SLC38A3: variants seen among roughly 807,000 people sequenced by gnomAD.
The protein encoded by SLC38A3 is solute carrier family 38 member 3, also known as sodium-coupled neutral amino acid transporter 3.
Under a neutral mutation model 59.5 loss-of-function variants are expected in SLC38A3, and 17 were observed. The observed-to-expected ratio is 0.29, with a 90% CI of 0.20 to 0.43. SLC38A3 has a LOEUF of 0.43. SLC38A3 is among the 20% of genes least tolerant of loss of function. The pLI is 1.00. For missense variants in SLC38A3, 454 were observed against 653.9 expected, an observed-to-expected ratio of 0.69 and a Z score of 3.33; for synonymous variants, 238 against 260.3, an observed-to-expected ratio of 0.91 and a Z score of 0.82.
In SLC38A3 at chr3:50,219,958, C is replaced by T; in HGVS notation, c.1384C>T (p.Pro462Ser). 1 of 1,612,720 alleles carries T rather than the reference C, an allele frequency of 6.2e-7. No homozygotes were observed. Residue 462 changes from proline (P) to serine (S), a missense_variant, in exon 15 of 16, where the codon CCT (proline) becomes TCT (serine). Physicochemically the swap from Pro to Ser is moderately conservative, Grantham distance 74. Around this residue, in one of 3 missense-constraint regions of SLC38A3, gnomAD observed 59 missense variants for 70.8 expected, o/e 0.83. Coordinates refer to ENST00000614032, the MANE Select transcript of SLC38A3 (RefSeq NM_006841.6). ...YFRIMPTEKE[P>S]ARSTPKILAL... is the part of the protein sequence containing the mutation. ...CCGAATCATGCCCACGGAGAAGGAG[C>T]CTGCAAGATCCACCCCCAAAATCCT...
Position 50,219,955 on chromosome 3 carries a change from G to C in SLC38A3, c.1381G>C (p.Glu461Gln), listed in dbSNP as rs587709682. Reference sequence around the variant, plus strand: ...CTTCCGAATCATGCCCACGGAGAAGGAGCCTGCAAGATCCACCCCCAAAAT... The same window carrying C: ...CTTCCGAATCATGCCCACGGAGAAGCAGCCTGCAAGATCCACCCCCAAAAT... ...FYFRIMPTEK[E>Q]PARSTPKILA... Residue 461 changes from glutamate to glutamine, a missense_variant, in exon 15 of 16, where the codon GAG becomes CAG. Transcript: ENST00000614032. The C allele has an allele frequency of 6.2e-6, 10 of 1,612,922 alleles. No individual in the cohort carries two copies. In the Admixed American group the frequency reaches 1.3e-4, roughly 22 times the overall value.
At chr3:50,210,324 T>C (rs949847371) in intron 1 of SLC38A3, among the ~76,000 whole-genome samples, 2 of 152,182 alleles carry the variant, frequency 1.3e-5, no homozygotes, top group East Asian at 1.9e-4. Context: ...ATAATCACGA[T>C]GGACCCTCAA....
At position 50,218,245 on chromosome 3, in the gene SLC38A3, C is replaced by A; in HGVS notation, c.936-25C>A. ...CCAATGTTACCCAGCTTGTCACCAA[C>A]ACCCACCCCCCCACTTCCCCACAGC... On this transcript the variant is annotated intron_variant, in intron 11 of 15. Transcript: ENST00000614032. The surrounding 1 kb of genome is among the most constrained non-coding windows in gnomAD (Gnocchi z 5.8). 7.0e-7 allele frequency: 1 copy of A among 1,421,978 alleles called. No homozygotes were observed. Among genetic ancestry groups the A allele is most frequent in the Non-Finnish European group, 1.0e-6 (1 of 1,003,228 alleles). 88.1% of individuals were successfully genotyped at this position (1,421,978 alleles called of 1,614,324 possible). A position where few individuals can be genotyped will look rare whatever the true frequency, so the allele number is the denominator to read the frequency against.
chr3:50,217,873 A>G lies in SLC38A3; in HGVS notation c.855+33A>G, dbSNP rs739431. 0.16 allele frequency: 259,803 copies of G among 1,613,806 alleles called. 26,208 individuals are homozygous for G. Among genetic ancestry groups the G allele is most frequent in the African/African-American group, 0.51 (38,277 of 74,950 alleles). ...CAGGTCAGGGCAAGGCGGGGGCCCA[A>G]TGAGAGTGGCAGACTGCCTTGACAC... On this transcript the variant is annotated intron_variant, in intron 10 of 15. Coordinates refer to ENST00000614032, the MANE Select transcript of SLC38A3 (RefSeq NM_006841.6). This position sits in a 1 kb window ranked among gnomAD's most constrained non-coding sequence, Gnocchi z 4.9.
At position 50,218,246 on chromosome 3, in the gene SLC38A3, A is replaced by G; in HGVS notation, c.936-24A>G. On this transcript the variant is annotated intron_variant, in intron 11 of 15. Transcript: ENST00000614032. This position sits in a 1 kb window ranked among gnomAD's most constrained non-coding sequence, Gnocchi z 5.8. ...CAATGTTACCCAGCTTGTCACCAAC[A>G]CCCACCCCCCCACTTCCCCACAGCC... The G allele has an allele frequency of 9.9e-6, 13 of 1,312,798 alleles. No homozygotes were observed. Among genetic ancestry groups the G allele is most frequent in the Non-Finnish European group, 1.3e-5 (12 of 905,152 alleles). 81.3% of individuals were successfully genotyped at this position (1,312,798 alleles called of 1,614,324 possible).
At chr3:50,208,479 T>G (rs1699676601) in intron 1 of SLC38A3, among the ~76,000 whole-genome samples, 1 of 152,084 alleles carries the variant, frequency 6.6e-6, no homozygotes, top group Non-Finnish European at 1.5e-5. Flanking sequence ...GCCAGGCTGG[T>G]CTCAAACTCC....
intron 1 of SLC38A3, among the ~76,000 whole-genome samples, chr3:50,209,110 T>TG (rs941530236): frequency 5.3e-5 from 8 of 152,186 alleles, no homozygotes; most frequent in East Asian, 1.9e-4. Context: ...CCCCTGCCCC[T>TG]GGGGGGCCAC....
chr3:50,209,112 G>A (rs918848890), intron 1 of SLC38A3, among the ~76,000 whole-genome samples: 3 of 152,202 alleles, frequency 2.0e-5, no homozygotes, highest in Non-Finnish European at 2.9e-5. Flanking sequence ...CCTGCCCCTG[G>A]GGGGCCACAG....
rs753874925 is a variant in SLC38A3, at chr3:50,214,500, C to T, written c.183+17C>T. On this transcript the variant is annotated intron_variant, in intron 3 of 15. Coordinates refer to ENST00000614032, the MANE Select transcript of SLC38A3 (RefSeq NM_006841.6). This position sits in a 1 kb window ranked among gnomAD's most constrained non-coding sequence, Gnocchi z 6.0. ...TTCACTGACGTGAGCAGGGCAGCAA[C>T]GGGTTTTAGGGGACACTGTGGGGAG... The T allele has an allele frequency of 1.0e-5, 16 of 1,556,202 alleles. No homozygotes were observed. Among genetic ancestry groups the T allele is most frequent in the Middle Eastern group, 1.7e-4 (1 of 6,000 alleles).
chr3:50,215,971 G>A lies in SLC38A3; in HGVS notation c.548+150G>A. The A allele has an allele frequency of 1.5e-6, 1 of 684,340 alleles. No individual in the cohort carries two copies. Among genetic ancestry groups the A allele is most frequent in the Non-Finnish European group, 2.5e-6 (1 of 392,914 alleles). 42.4% of individuals were successfully genotyped at this position (684,340 alleles called of 1,614,324 possible). ...ACAAGAAGCTGGTGGAGTGGGGAGA[G>A]TTGCCCGCAGAGCCAGCATTCAGTT... On this transcript the variant is annotated intron_variant, in intron 7 of 15. Transcript: ENST00000614032. The surrounding 1 kb of genome is among the most constrained non-coding windows in gnomAD (Gnocchi z 7.1).
chr3:50,217,563 A>G lies in SLC38A3; in HGVS notation c.690+90A>G, dbSNP rs1156447324. On this transcript the variant is annotated intron_variant, in intron 9 of 15. Coordinates refer to ENST00000614032, the MANE Select transcript of SLC38A3 (RefSeq NM_006841.6). This position sits in a 1 kb window ranked among gnomAD's most constrained non-coding sequence, Gnocchi z 4.9. Reference sequence around the variant, plus strand: ...TCAGGAGGGGGCAGGTGTCTCTGGGAAGCCTGGGCCAGAAGGCAGCTCCAC... The same window carrying G: ...TCAGGAGGGGGCAGGTGTCTCTGGGGAGCCTGGGCCAGAAGGCAGCTCCAC... 1.3e-6 allele frequency: 2 copies of G among 1,579,514 alleles called. No individual in the cohort carries two copies. Among genetic ancestry groups the G allele is most frequent in the Non-Finnish European group, 8.7e-7 (1 of 1,155,166 alleles).
chr3:50,219,081 G>C, intron 14 of SLC38A3, 133 bp downstream of exon 14: 1 of 1,161,988 alleles, frequency 8.6e-7, no homozygotes, highest in South Asian at 1.5e-5. Flanking sequence ...CCTTCCATCT[G>C]AGCTTTTGTC....
intron 1 of SLC38A3, chr3:50,207,748 G>C (rs1407897513): frequency 1.3e-5 from 2 of 152,392 alleles, no homozygotes; most frequent in African/African-American, 2.4e-5. Flanking sequence ...GGCTCTAGAG[G>C]ACCAGGCGGG....
chr3:50,217,365 T>A lies in SLC38A3; in HGVS notation c.631+45T>A, dbSNP rs1699832896. 2 of 1,611,284 alleles carry A rather than the reference T, an allele frequency of 1.2e-6. No homozygotes were observed. The highest frequency in any genetic ancestry group is 2.7e-5 in the African/African-American group (2 of 74,908). On this transcript the variant is annotated intron_variant, in intron 8 of 15. Transcript: ENST00000614032. This position sits in a 1 kb window ranked among gnomAD's most constrained non-coding sequence, Gnocchi z 4.9. ...AGCCTTGGAGGGGATGTTGGAGGCATACACCATGGGAGGGGCCCCAGGTCT... is the reference window on the plus strand; with the variant it reads ...AGCCTTGGAGGGGATGTTGGAGGCAAACACCATGGGAGGGGCCCCAGGTCT...
In SLC38A3 at chr3:50,214,905, G is replaced by A. The variant is rs1699794387; in HGVS notation, c.299+137G>A. The A allele has an allele frequency of 4.5e-6, 3 of 671,366 alleles. No homozygotes were observed. Among genetic ancestry groups the A allele is most frequent in the Non-Finnish European group, 2.6e-6 (1 of 379,712 alleles). The allele number at this position is 671,366 out of a possible 1,614,324, so 41.6% of individuals were successfully genotyped here. ...GCACTTCTTACACTAACAAACCGCG[G>A]CTGAAAAAAACATCCACAGCCAAAC... On this transcript the variant is annotated intron_variant, in intron 4 of 15. Transcript: ENST00000614032. The surrounding 1 kb of genome is among the most constrained non-coding windows in gnomAD (Gnocchi z 6.0).
intron 1 of SLC38A3, among the ~76,000 whole-genome samples, chr3:50,212,516 G>A (rs1317522831): frequency 6.6e-6 from 1 of 152,170 alleles, no homozygotes; most frequent in African/African-American, 2.4e-5. Flanking sequence ...TTATAGTCCC[G>A]AGTAGGTGGG....
chr3:50,206,740 G>A (rs1269276319), intron 1 of SLC38A3, among the ~76,000 whole-genome samples: 2 of 152,204 alleles, frequency 1.3e-5, no homozygotes, highest in African/African-American at 4.8e-5. Context: ...GAGGGTAGGA[G>A]TCTGTATCTC....
intron 1 of SLC38A3, among the ~76,000 whole-genome samples, chr3:50,210,256 G>A (rs1699705282): frequency 2.0e-5 from 3 of 152,268 alleles, no homozygotes; most frequent in Middle Eastern, 6.8e-3. Context: ...AAGGAGGGGA[G>A]TGGTAAAAAT....
Position 50,214,451 on chromosome 3 carries a change from A to C in SLC38A3, c.151A>C (p.Lys51Gln). 1 of 1,573,964 alleles carries C rather than the reference A, an allele frequency of 6.4e-7. No homozygotes were observed. Among genetic ancestry groups the C allele is most frequent in the Non-Finnish European group, 8.6e-7 (1 of 1,159,920 alleles). Reference protein sequence around the residue: ...SCMEGKSFLQKSPSKEPHFTD... With the variant: ...SCMEGKSFLQQSPSKEPHFTD... ...TATGGAGGGCAAGAGCTTCCTACAG[A>C]AAAGTCCCAGCAAGGAGCCACACTT... The change falls in exon 3 of 16, where the codon AAA becomes CAA. Residue 51 changes from lysine to glutamine, a missense_variant. Coordinates refer to ENST00000614032, the MANE Select transcript of SLC38A3 (RefSeq NM_006841.6). This position sits in a 1 kb window ranked among gnomAD's most constrained non-coding sequence, Gnocchi z 6.0.
Sources: allele counts gnomAD v4.1 joint callset (sites outside exome capture counted in the v4.1 genomes callset), GRCh38; gene constraint gnomAD v4.1.1; regional missense constraint gnomAD v4.1.1; non-coding constraint Gnocchi (gnomAD v3.1); transcripts MANE v1.5; gene names NCBI Gene and HGNC (gene_info 2026-07-23, HGNC 2026-07-21).